Variants in GON4L observed in about 807,000 individuals in gnomAD.
GON4L encodes the protein gon-4 like, also known as GON-4-like protein.
A neutral mutation model predicts 211.8 loss-of-function variants in GON4L; 87 were observed. That is an observed-to-expected ratio of 0.41 (90% CI 0.35 to 0.49). GON4L has a LOEUF of 0.49. Ranked by LOEUF, GON4L falls within the 20% of genes least tolerant of loss-of-function variation. GON4L has a pLI of 0.15. For synonymous variants in GON4L, 875 were observed against 962.6 expected (o/e 0.91, Z 1.68); for missense variants, 2,155 against 2,659.5 (o/e 0.81, Z 4.17).
Position 155,765,267 on chromosome 1 carries a change from T to C in GON4L, c.4206A>G (p.Ser1402=). 6.2e-7 allele frequency: 1 copy of C among 1,614,174 alleles called. No individual in the cohort carries two copies. Reference sequence around the variant, plus strand: ...ATGATCCTTTGTTCACATCTGTCCCTGAGGTTCCTTCATCAGGGGGCTCTT... The same window carrying C: ...ATGATCCTTTGTTCACATCTGTCCCCGAGGTTCCTTCATCAGGGGGCTCTT... ...SSQEPPDEGT[S]GTDVNKGSSK... is the part of the protein sequence containing the mutation. The change falls in exon 21 of 32, where the codon TCA becomes TCG. Residue 1402 remains serine, a synonymous_variant. Transcript: ENST00000368331.
In GON4L at chr1:155,845,162, C is replaced by A. The variant is rs550543258; in HGVS notation, c.505+8114G>T. 2.0e-5 allele frequency among the ~76,000 whole-genome samples: 3 copies of A among 152,246 alleles called. No homozygotes were observed. The South Asian group carries it at 6.2e-4, about 32-fold the overall frequency. On this transcript the variant is annotated intron_variant, in intron 2 of 31. Transcript: ENST00000368331. ...CAGGATTTGTTTTCCAAGCACTGGCCAGAGAGCCTGCTGAACAAAACAAGA... is the reference window on the plus strand; with the variant it reads ...CAGGATTTGTTTTCCAAGCACTGGCAAGAGAGCCTGCTGAACAAAACAAGA...
At chr1:155,811,132 C>A (rs551262418) in intron 10 of GON4L, among the ~76,000 whole-genome samples, 72 of 152,216 alleles carry the variant, frequency 4.7e-4, no homozygotes, top group Non-Finnish European at 7.4e-4. Flanking sequence ...GTGGTTCACG[C>A]CCGTAATCCC....
downstream of GON4L, chr1:155,747,036 T>C: frequency 6.2e-7 from 1 of 1,604,502 alleles, no homozygotes; most frequent in Non-Finnish European, 8.5e-7. Context: ...GAAAGGAGGC[T>C]ATGCGGTGTG....
At chr1:155,825,353 A>G (rs1669098432) in intron 3 of GON4L, among the ~76,000 whole-genome samples, 1 of 151,392 alleles carries the variant, frequency 6.6e-6, no homozygotes, top group Admixed American at 6.6e-5. Flanking sequence ...CGGGCAGATC[A>G]CCTGAGGTCA....
At chr1:155,858,536 C>T (rs938607664), upstream of GON4L, among the ~76,000 whole-genome samples, 1 of 152,006 alleles carries the variant, frequency 6.6e-6, no homozygotes, top group African/African-American at 2.4e-5. Context: ...CTACAGAATA[C>T]ACAGATCTTT....
chr1:155,809,456 A>G (rs1667473651), intron 10 of GON4L, among the ~76,000 whole-genome samples: 1 of 150,594 alleles, frequency 6.6e-6, no homozygotes, highest in South Asian at 2.1e-4. Context: ...CTACTACTAC[A>G]TACTCCAAAG....
chr1:155,762,124 C>A, intron 23 of GON4L, 66 bp downstream of exon 23: 1 of 1,264,018 alleles, frequency 7.9e-7, no homozygotes, highest in Non-Finnish European at 1.1e-6. Flanking sequence ...TGTTGAAAAA[C>A]ATCTCCCTTG....
intron 3 of GON4L, 77 bp downstream of exon 3, chr1:155,826,760 T>C: frequency 2.1e-6 from 2 of 946,874 alleles, no homozygotes; most frequent in Admixed American, 1.8e-5. Flanking sequence ...CAGGATATCT[T>C]AGGACATGTG....
chr1:155,753,440 A>C (rs749640306), intron 28 of GON4L, 26 bp from the exon 29 acceptor site: 1 of 1,571,932 alleles, frequency 6.4e-7, no homozygotes, highest in Non-Finnish European at 8.7e-7. Flanking sequence ...TCCGGGTCAA[A>C]GGTGTTCTGA....
At chr1:155,793,830 G>C (rs898157902) in intron 12 of GON4L, among the ~76,000 whole-genome samples, 2 of 152,050 alleles carry the variant, frequency 1.3e-5, no homozygotes, top group Non-Finnish European at 2.9e-5. Context: ...TGCCGGTCTC[G>C]AACTCCTAAG....
chr1:155,848,486 C>G (rs1671460536), intron 2 of GON4L, among the ~76,000 whole-genome samples: 1 of 152,228 alleles, frequency 6.6e-6, no homozygotes, highest in Non-Finnish European at 1.5e-5. Context: ...TCTCCATAAT[C>G]TGGATCTACT....
chr1:155,827,111 T>C (rs1371618749), intron 2 of GON4L, 83 bp from the exon 3 acceptor site: 9 of 1,027,356 alleles, frequency 8.8e-6, no homozygotes, highest in Non-Finnish European at 1.4e-5. Context: ...TATTATAGTG[T>C]TTTTAGGTAG....
At chr1:155,833,738 G>GGGAGGAGAGGAGGAGA (rs200014964) in intron 2 of GON4L, among the ~76,000 whole-genome samples, 62 of 66,422 alleles carry the variant, frequency 9.3e-4, no homozygotes, top group Non-Finnish European at 1.4e-3. Flanking sequence ...GGGAGGAGAG[G>GGGAGGAGAGGAGGAGA]GGAGGAGAGG....
At chr1:155,819,889 G>T (rs1183228165) in intron 6 of GON4L, among the ~76,000 whole-genome samples, 1 of 152,026 alleles carries the variant, frequency 6.6e-6, no homozygotes, top group African/African-American at 2.4e-5. Context: ...CAGGTCTGGG[G>T]TGGGCTCAAA....
chr1:155,821,581 A>G (rs1668746769), intron 4 of GON4L, 33 bp from the exon 5 acceptor site: 2 of 1,324,360 alleles, frequency 1.5e-6, no homozygotes, highest in Non-Finnish European at 2.2e-6. Flanking sequence ...TTTATGCAAC[A>G]AGGGTTTGTC....
At chr1:155,780,743 G>A (rs1376258104) in intron 14 of GON4L, among the ~76,000 whole-genome samples, 2 of 152,082 alleles carry the variant, frequency 1.3e-5, no homozygotes. Context: ...GAAGTAAAAG[G>A]AGAAAAAGAT....
intron 2 of GON4L, among the ~76,000 whole-genome samples, chr1:155,849,480 C>T (rs1671567757): frequency 7.1e-6 from 1 of 141,426 alleles, no homozygotes; most frequent in Non-Finnish European, 1.5e-5. Context: ...GGAGGTGAAG[C>T]TTGCAATGAG....
intron 27 of GON4L, among the ~76,000 whole-genome samples, chr1:155,755,978 A>T (rs1014940532): frequency 1.7e-5 from 2 of 116,710 alleles, no homozygotes; most frequent in East Asian, 2.1e-4. Context: ...AACACGAATT[A>T]AAAAAAAAAA....
intron 14 of GON4L, among the ~76,000 whole-genome samples, chr1:155,778,434 G>A (rs1367661931): frequency 1.3e-5 from 2 of 152,204 alleles, no homozygotes; most frequent in African/African-American, 4.8e-5. Context: ...TGTATTTTTA[G>A]TAGAGATGGG....
Sources: allele counts gnomAD v4.1 joint callset (sites outside exome capture counted in the v4.1 genomes callset), GRCh38; gene constraint gnomAD v4.1.1; transcripts MANE v1.5; gene names NCBI Gene and HGNC (gene_info 2026-07-23, HGNC 2026-07-21).